The following SDK1 variants were observed in gnomAD, a reference collection of about 807,000 sequenced individuals.
SDK1 encodes protein sidekick-1.
Under a neutral mutation model 245.5 loss-of-function variants are expected in SDK1, and 157 were observed. The observed-to-expected ratio is 0.64, with a 90% CI of 0.56 to 0.73. The LOEUF (loss-of-function observed/expected upper bound fraction) is 0.73. Ranked by LOEUF, SDK1 falls within the 30% of genes least tolerant of loss-of-function variation. SDK1 has a pLI of 0.00. For missense variants in SDK1, 3,583 were observed against 3,002.3 expected (o/e 1.19, Z -4.52); for synonymous variants, 1,647 against 1,278.5 (o/e 1.29, Z -6.15).
chr7:3,612,590 C>G (rs1781627335), intron 1 of SDK1, among the ~76,000 whole-genome samples: 2 of 152,140 alleles, frequency 1.3e-5, no homozygotes, highest in African/African-American at 2.4e-5. Flanking sequence ...TTGTTTCTCC[C>G]TGGAATTTGA....
At chr7:3,805,700 G>C (rs1295955754) in intron 4 of SDK1, among the ~76,000 whole-genome samples, 1 of 152,138 alleles carries the variant, frequency 6.6e-6, no homozygotes, top group Non-Finnish European at 1.5e-5. Context: ...AAGTGAATTA[G>C]TGAACAAATG....
rs1283205586 is a variant in SDK1, at chr7:4,217,282, C to G, written c.5540-2827C>G. ...ACACCACCCGGAGCACCAGGCCACCCGGAGAACCACACTACCTGGAGAACC... is the reference window on the plus strand; with the variant it reads ...ACACCACCCGGAGCACCAGGCCACCGGGAGAACCACACTACCTGGAGAACC... On this transcript the variant is annotated intron_variant, in intron 38 of 44. Transcript: ENST00000404826. Among the ~76,000 whole-genome samples the G allele has an allele frequency of 3.8e-5, 5 of 130,834 alleles. 1 individual carries two copies. Among genetic ancestry groups the G allele is most frequent in the Admixed American group, 3.8e-4 (5 of 13,172 alleles). The allele number at this position is 130,834 out of a possible 152,430, so 85.8% of individuals were successfully genotyped here. A position where few individuals can be genotyped will look rare whatever the true frequency, so the allele number is the denominator to read the frequency against.
At chr7:3,710,904 G>A (rs1583330143) in intron 4 of SDK1, among the ~76,000 whole-genome samples, 1 of 152,112 alleles carries the variant, frequency 6.6e-6, no homozygotes, top group African/African-American at 2.4e-5. Flanking sequence ...CTTTATTACT[G>A]TGGCTTCAGG....
chr7:3,600,604 G>C (rs1463774192), intron 1 of SDK1, among the ~76,000 whole-genome samples: 3 of 144,096 alleles, frequency 2.1e-5, no homozygotes, highest in Admixed American at 1.4e-4. Flanking sequence ...GCCTAGGCTG[G>C]AGTGCAGCGG....
Position 4,164,329 on chromosome 7 carries a change from C to T in SDK1, c.4800+2473C>T, listed in dbSNP as rs183587396. 1.5e-3 allele frequency among the ~76,000 whole-genome samples: 225 copies of T among 152,306 alleles called. 1 individual carries two copies. The highest frequency in any genetic ancestry group is 5.1e-3 in the African/African-American group (213 of 41,566). On this transcript the variant is annotated intron_variant, in intron 32 of 44. Transcript: ENST00000404826. ...GAGGCCCCTCTGACTCCAGGTTCCT[C>T]CTTTGTAAGAACAGAAGGTCACAAA...
At chr7:3,488,905 G>A (rs559998512) in intron 1 of SDK1, among the ~76,000 whole-genome samples, 1,641 of 57,914 alleles carry the variant, frequency 0.028, 15 homozygotes, top group Non-Finnish European at 0.031. Flanking sequence ...TCCTCCCTCC[G>A]TGTGTGTGTG....
chr7:3,839,900 A>G (rs1036395496), intron 5 of SDK1, among the ~76,000 whole-genome samples: 2 of 152,212 alleles, frequency 1.3e-5, no homozygotes, highest in African/African-American at 4.8e-5. Context: ...TAGTACAGTG[A>G]TAAAGCTTTC....
At chr7:3,426,520 A>G (rs1779682408) in intron 1 of SDK1, among the ~76,000 whole-genome samples, 1 of 152,204 alleles carries the variant, frequency 6.6e-6, no homozygotes, top group Non-Finnish European at 1.5e-5. Context: ...GTTAGGATTA[A>G]CTGAGCTGAT....
chr7:3,739,586 T>A (rs1779418551), intron 4 of SDK1, among the ~76,000 whole-genome samples: 1 of 152,246 alleles, frequency 6.6e-6, no homozygotes, highest in Admixed American at 6.5e-5. Flanking sequence ...AGTGAATTTA[T>A]TTGTTATTTT....
chr7:3,483,321 T>A (rs1781576070), intron 1 of SDK1, among the ~76,000 whole-genome samples: 1 of 152,190 alleles, frequency 6.6e-6, no homozygotes, highest in Non-Finnish European at 1.5e-5. Context: ...CCACCTTTTT[T>A]TAGTTTTATA....
At chr7:3,820,351 T>C (rs1232787510) in intron 4 of SDK1, among the ~76,000 whole-genome samples, 1 of 152,144 alleles carries the variant, frequency 6.6e-6, no homozygotes, top group Non-Finnish European at 1.5e-5. Flanking sequence ...GGTTTCACCA[T>C]GTTGGCCAGG....
At chr7:3,556,518 T>C (rs1163793771) in intron 1 of SDK1, among the ~76,000 whole-genome samples, 1 of 152,092 alleles carries the variant, frequency 6.6e-6, no homozygotes. Flanking sequence ...CAATAATTTA[T>C]TATACATTTA....
rs757016634 is a variant in SDK1 at position 4,127,374 on chromosome 7, T to C, written c.3824-7T>C. 8 of 1,610,748 alleles carry C rather than the reference T, an allele frequency of 5.0e-6. No homozygotes were observed. The highest frequency in any genetic ancestry group is 2.2e-5 in the South Asian group (2 of 91,002). ...GGATGCTAATCTACTTCATTGGTTC[T>C]TTGCAGTTCCTTCAGCCGCCCCTGA... is the stretch of plus-strand genomic sequence containing the variant. On this transcript the variant is annotated splice_region_variant and splice_polypyrimidine_tract_variant and intron_variant, in intron 25 of 44. Coordinates refer to ENST00000404826, the MANE Select transcript of SDK1 (RefSeq NM_152744.4).
At chr7:3,400,277 A>G (rs577982589) in intron 1 of SDK1, among the ~76,000 whole-genome samples, 2 of 152,268 alleles carry the variant, frequency 1.3e-5, no homozygotes, top group African/African-American at 2.4e-5. Flanking sequence ...TTCCTAAGAT[A>G]ATGCTTTAGA....
chr7:3,308,617 T>C (rs1357437813), intron 1 of SDK1, among the ~76,000 whole-genome samples: 1 of 152,160 alleles, frequency 6.6e-6, no homozygotes, highest in East Asian at 1.9e-4. Context: ...GACTATAGTT[T>C]CTGCAGTGTT....
rs542591232 is a variant in SDK1 at position 4,208,030 on chromosome 7, C to T, written c.5215-69C>T. On this transcript the variant is annotated intron_variant, in intron 36 of 44. Transcript: ENST00000404826. Reference sequence around the variant, plus strand: ...AGCTCACCCCCTCGCTTTGACCTTACACTCAGTGGCCCCCGCTTACTGGAA... The same window carrying T: ...AGCTCACCCCCTCGCTTTGACCTTATACTCAGTGGCCCCCGCTTACTGGAA... 8.2e-6 allele frequency: 10 copies of T among 1,216,508 alleles called. No individual in the cohort carries two copies. The South Asian group carries it at 1.2e-4, about 15-fold the overall frequency. 75.4% of individuals were successfully genotyped at this position (1,216,508 alleles called of 1,614,324 possible).
In SDK1 at chr7:3,436,108, T is replaced by C. The variant is rs957745243; in HGVS notation, c.298+134224T>C. 5.9e-5 allele frequency among the ~76,000 whole-genome samples: 9 copies of C among 152,244 alleles called. No individual in the cohort carries two copies. In the East Asian group the frequency reaches 1.5e-3, roughly 26 times the overall value. ...AGGTTGTTTTATTTTCAATATAATA[T>C]GGTTCTTAATTGTAACATTAATGAA... is the stretch of plus-strand genomic sequence containing the variant. On this transcript the variant is annotated intron_variant, in intron 1 of 44. Transcript: ENST00000404826.
intron 17 of SDK1, among the ~76,000 whole-genome samples, chr7:4,035,670 A>G (rs1788154970): frequency 6.6e-6 from 1 of 152,172 alleles, no homozygotes; most frequent in Admixed American, 6.5e-5. Context: ...TTTAAAACTT[A>G]ACCTAGTGGC....
At chr7:4,085,706 C>T (rs950738055) in intron 22 of SDK1, among the ~76,000 whole-genome samples, 1 of 152,106 alleles carries the variant, frequency 6.6e-6, no homozygotes. Context: ...AGGTGCTCGC[C>T]ACCACGCCTG....
Sources: gnomAD v4.1 joint callset for allele counts (sites outside exome capture counted in the v4.1 genomes callset) on GRCh38, gnomAD v4.1.1 for gene constraint, MANE v1.5 for transcripts, NCBI Gene and HGNC (gene_info 2026-07-23, HGNC 2026-07-21) for gene names.